Variants in ZNF722 observed in about 807,000 individuals in gnomAD.
The protein encoded by ZNF722 is zinc finger protein 722.
the ZNF722 span, among the ~76,000 whole-genome samples, chr7:63,999,529 G>A: frequency 1.3e-5 from 2 of 152,106 alleles, no homozygotes; most frequent in Admixed American, 6.6e-5. Flanking sequence ...TATAAGTTGC[G>A]TGATGAAGGA....
the ZNF722 span, chr7:63,999,128 C>G: frequency 9.0e-7 from 1 of 1,108,068 alleles, no homozygotes; most frequent in South Asian, 1.4e-5. Flanking sequence ...CCTCCTTGTC[C>G]CAGCTCGGCT....
At chr7:64,007,976 C>T in the ZNF722 span, among the ~76,000 whole-genome samples, 1 of 152,134 alleles carries the variant, frequency 6.6e-6, no homozygotes, top group South Asian at 2.1e-4. Flanking sequence ...TTTTGATTTG[C>T]ATTTCTCTGA....
At chr7:64,005,530 G>A in the ZNF722 span, 1 of 659,904 alleles carries the variant, frequency 1.5e-6, no homozygotes, top group South Asian at 1.9e-5. Flanking sequence ...TTTTTAACTT[G>A]AGTCAAATAC....
At chr7:63,999,150 C>T in the ZNF722 span, 5 of 915,620 alleles carry the variant, frequency 5.5e-6, no homozygotes, top group Non-Finnish European at 8.5e-6. Flanking sequence ...TTAGTCCCCT[C>T]GAACCGTAAG....
chr7:64,012,871 A>G, the ZNF722 span, among the ~76,000 whole-genome samples: 1 of 152,156 alleles, frequency 6.6e-6, no homozygotes, highest in African/African-American at 2.4e-5. Flanking sequence ...TCCCCTTGGT[A>G]ATCATAGAGT....
chr7:64,014,776 T>C, the ZNF722 span, among the ~76,000 whole-genome samples: 1 of 152,220 alleles, frequency 6.6e-6, no homozygotes, highest in Middle Eastern at 3.4e-3. Context: ...GTAGCAGACT[T>C]TTCTTTTCTT....
At chr7:64,014,366 AT>A in the ZNF722 span, among the ~76,000 whole-genome samples, 1 of 151,838 alleles carries the variant, frequency 6.6e-6, no homozygotes, top group East Asian at 1.9e-4. Context: ...GAAAATTTTG[AT>A]TTTTTTGATT....
At chr7:64,015,182 A>AG in the ZNF722 span, 1 of 1,332,716 alleles carries the variant, frequency 7.5e-7, no homozygotes, top group Non-Finnish European at 1.1e-6. Context: ...AGGTGCACAA[A>AG]GGAGGTTATA....
the ZNF722 span, chr7:63,999,052 C>T: frequency 6.5e-7 from 1 of 1,549,054 alleles, no homozygotes; most frequent in South Asian, 1.1e-5. Flanking sequence ...TTGGAACCGG[C>T]TGAAAGTGGC....
the ZNF722 span, among the ~76,000 whole-genome samples, chr7:64,002,128 G>T: frequency 1.5e-4 from 23 of 152,024 alleles, no homozygotes; most frequent in Non-Finnish European, 2.6e-4. Flanking sequence ...TGATCTGCCC[G>T]CCTTGGACTC....
the ZNF722 span, among the ~76,000 whole-genome samples, chr7:64,008,495 TAGGGAA>T: frequency 6.6e-6 from 1 of 152,218 alleles, no homozygotes; most frequent in Non-Finnish European, 1.5e-5. Context: ...ATTTATTGAA[TAGGGAA>T]TCCTTTCCCC....
chr7:64,015,237 C>G, the ZNF722 span: 35 of 1,219,838 alleles, frequency 2.9e-5, no homozygotes, highest in Middle Eastern at 1.9e-4. Context: ...CAAAATATTT[C>G]AGACTCATAA....
the ZNF722 span, among the ~76,000 whole-genome samples, chr7:63,999,838 C>T: frequency 6.6e-6 from 1 of 151,722 alleles, no homozygotes; most frequent in East Asian, 2.0e-4. Context: ...GCTGGGATTA[C>T]AGGAGCCCGC....
At chr7:64,010,265 T>A in the ZNF722 span, among the ~76,000 whole-genome samples, 10 of 152,230 alleles carry the variant, frequency 6.6e-5, no homozygotes, top group Admixed American at 2.0e-4. Context: ...TGATCTTAGC[T>A]GTTTCTTGCC....
chr7:64,006,283 A>T, the ZNF722 span: 6 of 1,314,616 alleles, frequency 4.6e-6, no homozygotes, highest in Non-Finnish European at 6.4e-6. Flanking sequence ...AGAGGCTTGG[A>T]ATATAAAGAG....
the ZNF722 span, chr7:63,999,060 G>C: frequency 6.5e-7 from 1 of 1,540,388 alleles, no homozygotes; most frequent in South Asian, 1.1e-5. Flanking sequence ...GGCTGAAAGT[G>C]GCTTGTAGCA....
At chr7:64,013,560 A>G in the ZNF722 span, among the ~76,000 whole-genome samples, 1 of 151,994 alleles carries the variant, frequency 6.6e-6, no homozygotes, top group African/African-American at 2.4e-5. Context: ...ATTTGTCCGC[A>G]TTATATCTAC....
chr7:64,004,425 A>AAAAAAAAAAAATATATATATATGTAT, the ZNF722 span, among the ~76,000 whole-genome samples: 1 of 61,120 alleles, frequency 1.6e-5, no homozygotes, highest in Non-Finnish European at 2.7e-5. Flanking sequence ...AAAAAAAAAA[A>AAAAAAAAAAAATATATATATATGTAT]ATATATATAT....
At chr7:64,003,536 T>A in the ZNF722 span, among the ~76,000 whole-genome samples, 2 of 152,214 alleles carry the variant, frequency 1.3e-5, no homozygotes, top group Non-Finnish European at 2.9e-5. Flanking sequence ...AAGCACAGTG[T>A]CCACTCTGCC....
Sources: gnomAD v4.1 joint callset for allele counts (sites outside exome capture counted in the v4.1 genomes callset) on GRCh38, gnomAD v4.1.1 for gene constraint, MANE v1.5 for transcripts, NCBI Gene and HGNC (gene_info 2026-07-23, HGNC 2026-07-21) for gene names.